The following OTC variants were observed in gnomAD, a reference collection of about 807,000 sequenced individuals.
OTC encodes the protein ornithine transcarbamylase.
OTC carries 3 observed loss-of-function variants against 30.3 expected under a neutral mutation model. That is an observed-to-expected ratio of 0.10 (90% CI 0.05 to 0.26). The LOEUF (loss-of-function observed/expected upper bound fraction) is 0.26. Among genes scored for constraint, OTC ranks in the 10% least tolerant of loss-of-function variants. OTC has a pLI of 1.00. For synonymous variants in OTC, 111 were observed against 99.7 expected, an observed-to-expected ratio of 1.11 and a Z score of -0.67; for missense variants, 194 against 260.3, an observed-to-expected ratio of 0.75 and a Z score of 1.75.
At chrX:38,412,584 G>A (rs1407056883) in intron 9 of OTC, among the ~76,000 whole-genome samples, 1 of 111,971 alleles carries the variant, frequency 8.9e-6, no homozygotes, top group Admixed American at 9.5e-5. Flanking sequence ...TGTCATTCTA[G>A]GAAATATTAA....
At chrX:38,396,955 A>G (rs1210552618) in intron 4 of OTC, among the ~76,000 whole-genome samples, 1 of 111,370 alleles carries the variant, frequency 9.0e-6, no homozygotes, top group Non-Finnish European at 1.9e-5. Context: ...CTGTTTATTC[A>G]TGGTACAGTT....
intron 8 of OTC, among the ~76,000 whole-genome samples, chrX:38,411,364 GAAA>G (rs368378566): frequency 1.2e-4 from 7 of 56,544 alleles, no homozygotes; most frequent in African/African-American, 3.9e-4. Flanking sequence ...AATTTAAAAA[GAAA>G]AAAAAAAAAA....
At chrX:38,418,760 C>T (rs1317519298) in intron 9 of OTC, among the ~76,000 whole-genome samples, 1 of 111,888 alleles carries the variant, frequency 8.9e-6, no homozygotes, top group African/African-American at 3.3e-5. Context: ...GCTTGGTTCT[C>T]ATTCTCTCTC....
chrX:38,345,474 C>A, the OTC span, among the ~76,000 whole-genome samples: 1 of 110,528 alleles, frequency 9.0e-6, no homozygotes, highest in Non-Finnish European at 1.9e-5. Flanking sequence ...ATACCCCAAG[C>A]ACTGATTTTA....
intron 9 of OTC, among the ~76,000 whole-genome samples, chrX:38,416,271 G>C (rs2068570715): frequency 9.0e-6 from 1 of 111,515 alleles, no homozygotes; most frequent in African/African-American, 3.3e-5. Flanking sequence ...CAGTAGTGCT[G>C]TTCAGAACGC....
chrX:38,346,308 G>C, the OTC span, among the ~76,000 whole-genome samples: 1 of 111,763 alleles, frequency 8.9e-6, no homozygotes, highest in African/African-American at 3.3e-5. Context: ...CCAAATGCTG[G>C]AAAGGTTGTG....
chrX:38,333,565 C>T, the OTC span, among the ~76,000 whole-genome samples: 12 of 112,092 alleles, frequency 1.1e-4, no homozygotes, highest in African/African-American at 3.9e-4. Flanking sequence ...AGCCATGACA[C>T]GTCTGACAAC....
downstream of OTC, among the ~76,000 whole-genome samples, chrX:38,422,083 A>T (rs1325789079): frequency 8.9e-6 from 1 of 112,224 alleles, no homozygotes; most frequent in Non-Finnish European, 1.9e-5. Context: ...AACATAAGTG[A>T]AGTTTTTTTA....
intron 1 of OTC, among the ~76,000 whole-genome samples, chrX:38,363,668 C>T (rs1353939653): frequency 9.0e-6 from 1 of 111,048 alleles, no homozygotes; most frequent in Non-Finnish European, 1.9e-5. Flanking sequence ...GTCTAAATGC[C>T]TTGCTTCCAA....
chrX:38,352,901 T>C (rs1382723009), intron 1 of OTC, 128 bp downstream of exon 1: 4 of 534,083 alleles, frequency 7.5e-6, no homozygotes, highest in Non-Finnish European at 9.8e-6. Context: ...TTGAGACAGC[T>C]GCCTCTAATT....
chrX:38,337,345 A>G, the OTC span, among the ~76,000 whole-genome samples: 2 of 112,537 alleles, frequency 1.8e-5, no homozygotes, highest in Admixed American at 1.9e-4. Flanking sequence ...GACACACATA[A>G]GAGACTCCTC....
intron 3 of OTC, among the ~76,000 whole-genome samples, chrX:38,374,951 A>G (rs1174008949): frequency 1.8e-5 from 2 of 112,514 alleles, no homozygotes; most frequent in Non-Finnish European, 3.7e-5. Context: ...TGCTTCATAG[A>G]TAATAGAAAT....
At chrX:38,385,833 G>A (rs2068399918) in intron 4 of OTC, among the ~76,000 whole-genome samples, 1 of 112,051 alleles carries the variant, frequency 8.9e-6, no homozygotes, top group East Asian at 2.8e-4. Context: ...GTTGGCTCAC[G>A]CCTGTAATCC....
At chrX:38,398,126 G>T (rs1182859302) in intron 4 of OTC, among the ~76,000 whole-genome samples, 10 of 111,643 alleles carry the variant, frequency 9.0e-5, no homozygotes, top group Non-Finnish European at 1.7e-4. Flanking sequence ...ATGGGGACTT[G>T]CTAAAGAGAG....
At chrX:38,388,176 A>G (rs1213466364) in intron 4 of OTC, among the ~76,000 whole-genome samples, 1 of 111,786 alleles carries the variant, frequency 8.9e-6, no homozygotes, top group Non-Finnish European at 1.9e-5. Context: ...TGTTATATCC[A>G]TGGGAAGACA....
At chrX:38,387,098 T>A (rs1173702613) in intron 4 of OTC, among the ~76,000 whole-genome samples, 1 of 112,596 alleles carries the variant, frequency 8.9e-6, no homozygotes, top group Non-Finnish European at 1.9e-5. Flanking sequence ...GTATGCCTTT[T>A]GTGCAGAAAT....
At chrX:38,422,849 T>C (rs2068602102), downstream of OTC, among the ~76,000 whole-genome samples, 1 of 111,837 alleles carries the variant, frequency 8.9e-6, no homozygotes, top group Non-Finnish European at 1.9e-5. Flanking sequence ...CCTATATAGC[T>C]ATTACAACTC....
chrX:38,357,905 G>A (rs1169243599), intron 1 of OTC, among the ~76,000 whole-genome samples: 1 of 111,939 alleles, frequency 8.9e-6, no homozygotes, highest in Non-Finnish European at 1.9e-5. Context: ...CCAGACTGCA[G>A]TGACAGTTTT....
chrX:38,335,895 A>C, the OTC span, among the ~76,000 whole-genome samples: 1 of 108,715 alleles, frequency 9.2e-6, no homozygotes, highest in Non-Finnish European at 1.9e-5. Context: ...TAAAAATTTC[A>C]CCTTTGATCC....
Sources: allele counts gnomAD v4.1 joint callset (sites outside exome capture counted in the v4.1 genomes callset), GRCh38; gene constraint gnomAD v4.1.1; transcripts MANE v1.5; gene names NCBI Gene and HGNC (gene_info 2026-07-23, HGNC 2026-07-21).